Variants in SLC25A17 observed in about 807,000 individuals in gnomAD.
The protein encoded by SLC25A17 is peroxisomal membrane protein PMP34.
Under a neutral mutation model 38.5 loss-of-function variants are expected in SLC25A17, and 26 were observed. The ratio of observed to expected loss-of-function variants is 0.68; its 90% CI spans 0.50 to 0.94. The LOEUF (loss-of-function observed/expected upper bound fraction) is 0.94, where lower values mean the gene tolerates loss of function less well. SLC25A17 is among the 40% of genes least tolerant of loss of function. SLC25A17 has a pLI of 0.00. For synonymous variants in SLC25A17, 139 were observed against 136.2 expected (o/e 1.02, Z -0.14); for missense variants, 333 against 372.7 (o/e 0.89, Z 0.88).
intron 4 of SLC25A17, among the ~76,000 whole-genome samples, chr22:40,788,143 C>T (rs1404539910): frequency 6.6e-6 from 1 of 152,226 alleles, no homozygotes; most frequent in Non-Finnish European, 1.5e-5. Context: ...ATGAAAATTT[C>T]ACTTTTCATC....
At chr22:40,801,152 T>A (rs1314830070) in intron 1 of SLC25A17, among the ~76,000 whole-genome samples, 38 of 132,708 alleles carry the variant, frequency 2.9e-4, no homozygotes, top group African/African-American at 1.2e-3. Flanking sequence ...TATATATATA[T>A]ATATATATAT....
intron 2 of SLC25A17, 143 bp from the exon 3 acceptor site, chr22:40,794,723 G>A (rs1051815243): frequency 2.5e-5 from 10 of 406,916 alleles, no homozygotes; most frequent in South Asian, 1.3e-4. Context: ...GGGTTCAAGC[G>A]ATTCTCCTGT....
intron 1 of SLC25A17, among the ~76,000 whole-genome samples, chr22:40,809,622 C>T (rs2057560807): frequency 6.6e-6 from 1 of 151,676 alleles, no homozygotes; most frequent in Non-Finnish European, 1.5e-5. Flanking sequence ...CACAGTGAGA[C>T]CCTGTCTCAA....
intron 1 of SLC25A17, among the ~76,000 whole-genome samples, chr22:40,802,092 G>T (rs1032566956): frequency 6.6e-6 from 1 of 151,706 alleles, no homozygotes; most frequent in Admixed American, 6.6e-5. Context: ...GTGCCTGGCC[G>T]GTACTGCATT....
chr22:40,777,544 G>A (rs919142008), intron 5 of SLC25A17, among the ~76,000 whole-genome samples, 171 bp from the exon 6 acceptor site: 4 of 152,188 alleles, frequency 2.6e-5, no homozygotes, highest in African/African-American at 9.7e-5. Flanking sequence ...AGCACTTTGG[G>A]AGGCCGAGGC....
chr22:40,800,679 G>A (rs1158445269), intron 1 of SLC25A17, among the ~76,000 whole-genome samples: 1 of 151,866 alleles, frequency 6.6e-6, no homozygotes, highest in Non-Finnish European at 1.5e-5. Context: ...TACTAGGTGT[G>A]AGCCACTGCA....
intron 7 of SLC25A17, among the ~76,000 whole-genome samples, chr22:40,774,640 G>T (rs921161396): frequency 6.6e-6 from 1 of 152,080 alleles, no homozygotes; most frequent in Admixed American, 6.6e-5. Context: ...GATATTGATG[G>T]TAATAACTTC....
intron 5 of SLC25A17, among the ~76,000 whole-genome samples, chr22:40,778,123 C>T (rs1434815073): frequency 1.3e-5 from 2 of 152,204 alleles, no homozygotes; most frequent in African/African-American, 2.4e-5. Flanking sequence ...GAGAACCTGG[C>T]AATGTGGTAC....
intron 1 of SLC25A17, chr22:40,817,517 C>T (rs1412442063): frequency 1.3e-5 from 2 of 152,372 alleles, no homozygotes; most frequent in African/African-American, 4.8e-5. Context: ...CCCCCAAAAC[C>T]TTCTCCTTCA....
At chr22:40,785,035 C>T (rs557564964) in intron 4 of SLC25A17, among the ~76,000 whole-genome samples, 1 of 152,306 alleles carries the variant, frequency 6.6e-6, no homozygotes, top group Admixed American at 6.5e-5. Flanking sequence ...TCCAGAGTCA[C>T]TCTGACCTTC....
chr22:40,800,789 C>CAA (rs150918938), intron 1 of SLC25A17, among the ~76,000 whole-genome samples: 36 of 110,342 alleles, frequency 3.3e-4, no homozygotes, highest in Non-Finnish European at 4.4e-4. Flanking sequence ...GAGTCTGCCT[C>CAA]AAAAAAAAAA....
chr22:40,796,615 C>CAA (rs766239207), intron 2 of SLC25A17, among the ~76,000 whole-genome samples: 2,764 of 96,366 alleles, frequency 0.029, 89 homozygotes, highest in African/African-American at 0.096. Context: ...GACTCTGTCT[C>CAA]AAAAAAAAAA....
At chr22:40,813,048 C>T (rs1216110734) in intron 1 of SLC25A17, among the ~76,000 whole-genome samples, 1 of 152,136 alleles carries the variant, frequency 6.6e-6, no homozygotes, top group Non-Finnish European at 1.5e-5. Context: ...CTAACTCATA[C>T]ATACACAGAC....
intron 1 of SLC25A17, among the ~76,000 whole-genome samples, chr22:40,814,674 A>T (rs2057617007): frequency 6.6e-6 from 1 of 151,708 alleles, no homozygotes; most frequent in Non-Finnish European, 1.5e-5. Flanking sequence ...TAGTAGATTA[A>T]GCTGTTAGGA....
At chr22:40,797,374 G>A in intron 2 of SLC25A17, 1 of 1,185,704 alleles carries the variant, frequency 8.4e-7, no homozygotes, top group Non-Finnish European at 1.1e-6. Flanking sequence ...GTGAGTTGTA[G>A]AGTCCCATAA....
chr22:40,798,659 A>AT (rs1435043420), intron 2 of SLC25A17, among the ~76,000 whole-genome samples: 13 of 106,700 alleles, frequency 1.2e-4, no homozygotes, highest in East Asian at 4.3e-4. Context: ...GCACACATAC[A>AT]TAAAAAAAAA....
chr22:40,800,124 A>G (rs1373313204), intron 1 of SLC25A17, among the ~76,000 whole-genome samples: 1 of 152,248 alleles, frequency 6.6e-6, no homozygotes, highest in East Asian at 1.9e-4. Context: ...AAATAGGAAC[A>G]ATCTCTTTGC....
chr22:40,811,002 C>T (rs1306167007), intron 1 of SLC25A17, among the ~76,000 whole-genome samples: 1 of 151,966 alleles, frequency 6.6e-6, no homozygotes, highest in African/African-American at 2.4e-5. Flanking sequence ...TCTCAGCTCA[C>T]TGCAACCTCC....
chr22:40,807,269 C>T (rs1450818035), intron 1 of SLC25A17, among the ~76,000 whole-genome samples: 3 of 152,164 alleles, frequency 2.0e-5, no homozygotes, highest in African/African-American at 7.2e-5. Context: ...ATCCTCACAA[C>T]AACCCAGTGA....
Sources: gnomAD v4.1 joint callset for allele counts (sites outside exome capture counted in the v4.1 genomes callset) on GRCh38, gnomAD v4.1.1 for gene constraint, MANE v1.5 for transcripts, NCBI Gene and HGNC (gene_info 2026-07-23, HGNC 2026-07-21) for gene names.